The following ZFAT variants were observed in gnomAD, a reference collection of about 807,000 sequenced individuals.
ZFAT encodes zinc finger protein ZFAT.
ZFAT carries 64 observed loss-of-function variants against 117.7 expected under a neutral mutation model. The observed-to-expected ratio is 0.54, with a 90% CI of 0.44 to 0.67. ZFAT has a LOEUF of 0.67. Ranked by LOEUF, ZFAT falls within the 30% of genes least tolerant of loss-of-function variation. The probability of loss-of-function intolerance (pLI) is 0.00; values close to 1 mark genes in which losing one functional copy is unlikely to be tolerated. For synonymous variants in ZFAT, 679 were observed against 615.0 expected (o/e 1.10, Z -1.54); for missense variants, 1,433 against 1,584.5 (o/e 0.90, Z 1.62).
At chr8:134,815,846 A>G in the ZFAT span, among the ~76,000 whole-genome samples, 4 of 152,184 alleles carry the variant, frequency 2.6e-5, no homozygotes, top group Admixed American at 1.3e-4. Flanking sequence ...TCACCACAGC[A>G]ATTCTTTATT....
chr8:134,635,322 T>G (rs1830140222), intron 3 of ZFAT, among the ~76,000 whole-genome samples: 1 of 152,178 alleles, frequency 6.6e-6, no homozygotes, highest in Admixed American at 6.5e-5. Context: ...AAAAATTTAG[T>G]GTTGCCAAAG....
chr8:134,616,216 C>T (rs562131794), intron 3 of ZFAT, among the ~76,000 whole-genome samples: 82 of 152,330 alleles, frequency 5.4e-4, no homozygotes, highest in Middle Eastern at 6.8e-3. Context: ...TGTTTCTCAT[C>T]CCCAGCATTA....
chr8:134,810,934 T>TG, the ZFAT span, among the ~76,000 whole-genome samples: 5 of 151,582 alleles, frequency 3.3e-5, no homozygotes, highest in South Asian at 2.1e-4. Context: ...TTAACTAACA[T>TG]GGGGGGGAAA....
the ZFAT span, among the ~76,000 whole-genome samples, chr8:134,771,441 A>T: frequency 0.038 from 5,784 of 152,276 alleles, 151 homozygotes; most frequent in Middle Eastern, 0.071. Context: ...AGTTCCACAG[A>T]TCTCTAGGGC....
At chr8:134,777,290 C>A in the ZFAT span, among the ~76,000 whole-genome samples, 1 of 152,076 alleles carries the variant, frequency 6.6e-6, no homozygotes, top group Admixed American at 6.6e-5. Context: ...TCATCTTCTC[C>A]AAAGAGGAAA....
the ZFAT span, among the ~76,000 whole-genome samples, chr8:134,772,309 A>G: frequency 6.6e-6 from 1 of 152,246 alleles, no homozygotes; most frequent in Non-Finnish European, 1.5e-5. Context: ...CAACTTGTGA[A>G]TGCAAAGGAA....
chr8:134,637,282 C>T (rs1177271900), intron 3 of ZFAT, among the ~76,000 whole-genome samples, 179 bp downstream of exon 3: 1 of 152,266 alleles, frequency 6.6e-6, no homozygotes, highest in African/African-American at 2.4e-5. Flanking sequence ...ATGACACATT[C>T]ACTTCAAAGA....
At position 134,590,342 on chromosome 8, in the gene ZFAT, T is replaced by A; in HGVS notation, c.2489A>T (p.Tyr830Phe). ...AGACTTTTCACAAACAGGACAAGAA[T>A]AACTCCTTTTGTCCTTAATAGAAAG... Reference protein sequence around the residue: ...KVHTALDKRSYSCPVCEKSFS... With the variant: ...KVHTALDKRSFSCPVCEKSFS... The change falls in exon 8 of 16, where the codon TAT (tyrosine) becomes TTT (phenylalanine). Residue 830 changes from tyrosine to phenylalanine, a missense_variant. Transcript: ENST00000377838. The A allele has an allele frequency of 6.2e-7, 1 of 1,611,716 alleles. No homozygotes were observed. The highest frequency in any genetic ancestry group is 1.7e-5 in the Admixed American group (1 of 59,964).
At position 134,512,486 on chromosome 8, in the gene ZFAT, G is replaced by A; in HGVS notation, c.3350C>T (p.Thr1117Ile). ...CCAGGCGTCCTCACCACTCTCAGAG[G>A]TGTATCTCAGGTCCTGGAGCGCGGC... ...AVAALQDLRY[T>I]SESGDRLDPT... The change falls in exon 14 of 16, where the codon ACC (threonine) becomes ATC (isoleucine). Residue 1117 changes from threonine to isoleucine, a missense_variant. Coordinates refer to ENST00000377838, the MANE Select transcript of ZFAT (RefSeq NM_020863.4). 6.2e-7 allele frequency: 1 copy of A among 1,614,000 alleles called. No homozygotes were observed. The highest frequency in any genetic ancestry group is 2.2e-5 in the East Asian group (1 of 44,886).
the ZFAT span, among the ~76,000 whole-genome samples, chr8:134,823,554 G>A: frequency 6.6e-6 from 1 of 152,184 alleles, no homozygotes; most frequent in Admixed American, 6.5e-5. Flanking sequence ...TAAGTAACTT[G>A]CCTAAGACAA....
intron 1 of ZFAT, among the ~76,000 whole-genome samples, chr8:134,660,523 G>C (rs1367254750): frequency 6.6e-6 from 1 of 152,244 alleles, no homozygotes; most frequent in African/African-American, 2.4e-5. Context: ...CCTGCCACAA[G>C]AGGAGGCCAC....
chr8:134,734,228 C>A, the ZFAT span, among the ~76,000 whole-genome samples: 2 of 152,266 alleles, frequency 1.3e-5, no homozygotes, highest in Admixed American at 1.3e-4. Flanking sequence ...GATACTCTGG[C>A]AACTTTAGGC....
At chr8:134,707,976 T>C (rs1399737935) in intron 1 of ZFAT, among the ~76,000 whole-genome samples, 1 of 152,248 alleles carries the variant, frequency 6.6e-6, no homozygotes, top group African/African-American at 2.4e-5. Flanking sequence ...ATTTTTTTAA[T>C]GTGGGACATA....
At chr8:134,643,634 G>A (rs1830715036) in intron 2 of ZFAT, among the ~76,000 whole-genome samples, 1 of 152,200 alleles carries the variant, frequency 6.6e-6, no homozygotes, top group African/African-American at 2.4e-5. Flanking sequence ...GGTGCAGGCT[G>A]TACCCTGTGT....
intron 14 of ZFAT, chr8:134,510,321 G>A (rs559502138): frequency 2.6e-6 from 1 of 379,012 alleles, no homozygotes; most frequent in African/African-American, 2.1e-5. Flanking sequence ...TAGTATCCCC[G>A]CCTGCTCCCA....
chr8:134,625,079 T>C (rs1268372414), intron 3 of ZFAT, among the ~76,000 whole-genome samples: 2 of 152,236 alleles, frequency 1.3e-5, no homozygotes, highest in East Asian at 3.8e-4. Flanking sequence ...GTTTTAATTA[T>C]TGATTACACC....
rs1045846357 is a variant in ZFAT, at chr8:134,478,218, C to G, written c.*264G>C. 1 of 524,816 alleles carries G rather than the reference C, an allele frequency of 1.9e-6. No individual in the cohort carries two copies. The highest frequency in any genetic ancestry group is 3.4e-6 in the Non-Finnish European group (1 of 290,930). 32.5% of individuals were successfully genotyped at this position (524,816 alleles called of 1,614,324 possible). On this transcript the variant is annotated 3_prime_UTR_variant, in exon 16 of 16. Transcript: ENST00000377838. The surrounding 1 kb of genome is among the most constrained non-coding windows in gnomAD (Gnocchi z 5.2). ...AAGGTGTGGGGTGTGTGTAGGGGAG[C>G]TGACACTGAAGTCTTTCAGGAAGCA...
the ZFAT span, among the ~76,000 whole-genome samples, chr8:134,732,111 T>C: frequency 9.3e-3 from 1,418 of 152,308 alleles, 21 homozygotes; most frequent in African/African-American, 0.032. Context: ...GAGCATTGCA[T>C]GTGTATAAAA....
At chr8:134,501,793 T>C (rs1818999673) in intron 15 of ZFAT, among the ~76,000 whole-genome samples, 1 of 152,204 alleles carries the variant, frequency 6.6e-6, no homozygotes, top group Non-Finnish European at 1.5e-5. Context: ...AAAGTGCCTC[T>C]GTGGGAACAA....
Sources: allele counts gnomAD v4.1 joint callset (sites outside exome capture counted in the v4.1 genomes callset), GRCh38; gene constraint gnomAD v4.1.1; non-coding constraint Gnocchi (gnomAD v3.1); transcripts MANE v1.5; gene names NCBI Gene and HGNC (gene_info 2026-07-23, HGNC 2026-07-21).